AFDN: variants seen among roughly 807,000 people sequenced by gnomAD.
AFDN encodes the protein afadin.
In AFDN, 68 loss-of-function variants were observed where a neutral mutation model predicts 216.6. The observed-to-expected ratio is 0.31, with a 90% confidence interval of 0.26 to 0.38. The LOEUF (loss-of-function observed/expected upper bound fraction) is 0.38. Ranked by LOEUF, AFDN falls within the 10% of genes least tolerant of loss-of-function variation. The probability of loss-of-function intolerance (pLI) is 1.00; values close to 1 mark genes in which losing one functional copy is unlikely to be tolerated. For missense variants in AFDN, 2,136 were observed against 2,342.0 expected (o/e 0.91, Z 1.82); for synonymous variants, 868 against 853.7 (o/e 1.02, Z -0.29).
At chr6:167,953,745 C>T (rs1469372994) in intron 30 of AFDN, among the ~76,000 whole-genome samples, 1 of 152,184 alleles carries the variant, frequency 6.6e-6, no homozygotes, top group African/African-American at 2.4e-5. Flanking sequence ...GGCCTGCTGG[C>T]GCCAGGTGCA....
chr6:167,872,074 C>T, intron 3 of AFDN, 140 bp from the exon 4 acceptor site: 1 of 740,824 alleles, frequency 1.3e-6, no homozygotes, highest in South Asian at 2.0e-5. Context: ...AAAGACCATT[C>T]TCATTACTCC....
rs201519323 is a variant in AFDN at position 167,898,319 on chromosome 6, T to C, written c.1432T>C (p.Ser478Pro). The C allele has an allele frequency of 5.6e-6, 9 of 1,614,092 alleles. No individual in the cohort carries two copies. The part of the protein sequence containing the change: ...AETYVEGQRI[S>P]ETTMLQSGMK... ...AACCTACGTGGAAGGCCAGCGCATC[T>C]CAGAAACCACCATGCTGCAGAGTGG... Residue 478 changes from serine (S) to proline (P), a missense_variant, in exon 11 of 34, where the codon TCA becomes CCA. By Grantham distance (74) the Ser-to-Pro change is moderately conservative. Transcript: ENST00000683244.
At chr6:167,903,464 C>G (rs1400774843) in intron 12 of AFDN, among the ~76,000 whole-genome samples, 5 of 152,216 alleles carry the variant, frequency 3.3e-5, no homozygotes, top group Non-Finnish European at 7.3e-5. Flanking sequence ...TCCAGGCCTT[C>G]TTGAATGTTA....
intron 6 of AFDN, 32 bp from the exon 7 acceptor site, chr6:167,889,183 A>G (rs918684567): frequency 2.1e-6 from 3 of 1,446,788 alleles, no homozygotes; most frequent in African/African-American, 2.8e-5. Flanking sequence ...TTACTTTGGC[A>G]CATTCATAGT....
At chr6:167,952,615 G>A (rs1796119993) in intron 30 of AFDN, 1 of 490,658 alleles carries the variant, frequency 2.0e-6, no homozygotes, top group Non-Finnish European at 2.6e-6. Flanking sequence ...TGCTGTTGTA[G>A]CACAAAAGCA....
chr6:167,911,307 A>G lies in AFDN; in HGVS notation c.1855A>G (p.Ile619Val). ...ESSEDSFLSA[I>V]INYTNSSTVH... ...AGCTGAAGATTCATTTTTGTCTGCC[A>G]TTATAAATTATACTAATAGCTCTAC... The change falls in exon 15 of 34, where the codon ATT becomes GTT. Residue 619 changes from isoleucine (I) to valine (V), a missense_variant. This residue lies in a region of AFDN where 817 missense variants were observed against 965.7 expected (regional missense o/e 0.85). Transcript: ENST00000683244. The G allele has an allele frequency of 6.2e-7, 1 of 1,613,788 alleles. No individual in the cohort carries two copies. The highest frequency in any genetic ancestry group is 1.7e-5 in the Admixed American group (1 of 60,004).
At chr6:167,912,258 C>CT (rs1790494518) in intron 15 of AFDN, 1 of 152,150 alleles carries the variant, frequency 6.6e-6, no homozygotes, top group South Asian at 2.1e-4. Flanking sequence ...AAGATTTAAT[C>CT]TTTAAAGTTC....
chr6:167,965,198 A>T, intron 31 of AFDN: 1 of 456,876 alleles, frequency 2.2e-6, no homozygotes, highest in Non-Finnish European at 2.9e-6. Context: ...CTTCCTGATA[A>T]CTGAAGTAAA....
intron 4 of AFDN, among the ~76,000 whole-genome samples, chr6:167,874,938 A>C (rs575358828): frequency 2.6e-5 from 4 of 152,174 alleles, no homozygotes; most frequent in Non-Finnish European, 5.9e-5. Flanking sequence ...ATGTTAAGAC[A>C]GATTTTTGCA....
intron 1 of AFDN, among the ~76,000 whole-genome samples, chr6:167,848,541 AATGAACAG>A (rs1781950454): frequency 6.6e-6 from 1 of 152,180 alleles, no homozygotes; most frequent in African/African-American, 2.4e-5. Flanking sequence ...ATGTGGATTT[AATGAACAG>A]TCTTGTCCAT....
At chr6:167,843,181 G>A (rs192581753) in intron 1 of AFDN, among the ~76,000 whole-genome samples, 1 of 152,280 alleles carries the variant, frequency 6.6e-6, no homozygotes, top group African/African-American at 2.4e-5. Context: ...TCGTAAACTT[G>A]ATTGGTCTCT....
intron 8 of AFDN, among the ~76,000 whole-genome samples, chr6:167,893,111 T>C (rs988945412): frequency 2.0e-5 from 3 of 152,188 alleles, no homozygotes; most frequent in Admixed American, 2.0e-4. Context: ...GCTTAACTTG[T>C]TCCACAAATG....
intron 1 of AFDN, among the ~76,000 whole-genome samples, chr6:167,845,151 T>G (rs1360286934): frequency 6.6e-6 from 1 of 152,206 alleles, no homozygotes; most frequent in African/African-American, 2.4e-5. Context: ...CACGAGCCAC[T>G]GCACTTAGCA....
chr6:167,928,898 CTG>C (rs1240436857), intron 23 of AFDN, among the ~76,000 whole-genome samples: 1 of 152,194 alleles, frequency 6.6e-6, no homozygotes. Context: ...AGCCTTCTCT[CTG>C]TATCTTCAAT....
At position 167,834,457 on chromosome 6, in the gene AFDN, G is replaced by GTTTTT. The variant is rs11446838; in HGVS notation, c.105+7238_105+7242dup. Reference sequence around the variant, plus strand: ...GATTTTTGTTGTTGTTGTTGTTTCGGTTTTTTTTTTTTTTTTTTTTTTCGA... The same window carrying GTTTTT: ...GATTTTTGTTGTTGTTGTTGTTTCGGTTTTTTTTTTTTTTTTTTTTTTTTTTTCGA... On this transcript the variant is annotated intron_variant, in intron 1 of 33. Transcript: ENST00000683244. 1.2e-3 allele frequency among the ~76,000 whole-genome samples: 94 copies of GTTTTT among 75,242 alleles called. 4 individuals carry two copies. The highest frequency in any genetic ancestry group is 3.5e-3 in the African/African-American group (66 of 19,116). 49.4% of individuals were successfully genotyped at this position (75,242 alleles called of 152,430 possible).
chr6:167,832,202 C>T lies in AFDN; in HGVS notation c.105+4965C>T, dbSNP rs139699206. Among the ~76,000 whole-genome samples, 698 of 152,300 alleles carry T rather than the reference C, an allele frequency of 4.6e-3. 10 individuals carry two copies. The highest frequency in any genetic ancestry group is 0.016 in the African/African-American group (659 of 41,564). ...TTGGATACTGAGCAGTGTGCCAAAT[C>T]CCACAGACCCTTTAACCAGTTCTGG... On this transcript the variant is annotated intron_variant, in intron 1 of 33. Transcript: ENST00000683244.
chr6:167,875,274 G>C, intron 4 of AFDN, 61 bp from the exon 5 acceptor site: 1 of 1,517,380 alleles, frequency 6.6e-7, no homozygotes. Flanking sequence ...CGGTTGCAAT[G>C]TGTCTATTTC....
intron 23 of AFDN, among the ~76,000 whole-genome samples, chr6:167,925,941 C>A (rs982480433): frequency 6.6e-6 from 1 of 152,148 alleles, no homozygotes; most frequent in African/African-American, 2.4e-5. Flanking sequence ...TTGGCCACTA[C>A]AATTTGTATT....
chr6:167,886,037 A>T (rs1786758389), intron 6 of AFDN, among the ~76,000 whole-genome samples: 1 of 152,234 alleles, frequency 6.6e-6, no homozygotes, highest in Non-Finnish European at 1.5e-5. Flanking sequence ...ATTATAAAAT[A>T]AATGCATAAA....
Sources: gnomAD v4.1 joint callset for allele counts (sites outside exome capture counted in the v4.1 genomes callset) on GRCh38, gnomAD v4.1.1 for gene constraint, gnomAD v4.1.1 regional missense constraint, MANE v1.5 for transcripts, NCBI Gene and HGNC (gene_info 2026-07-23, HGNC 2026-07-21) for gene names.